The following LRRC40 variants were observed in gnomAD, a reference collection of about 807,000 sequenced individuals.
LRRC40 encodes the protein leucine-rich repeat-containing protein 40.
Under a neutral mutation model 72.8 loss-of-function variants are expected in LRRC40, and 76 were observed. The observed-to-expected ratio is 1.04, with a 90% CI of 0.87 to 1.26. The LOEUF is 1.26. Ranked by LOEUF, LRRC40 falls within the 50% of genes most tolerant of loss-of-function variation. The pLI is 0.00. For synonymous variants in LRRC40, 243 were observed against 254.2 expected (o/e 0.96, Z 0.42); for missense variants, 684 against 698.9 (o/e 0.98, Z 0.24).
Position 70,178,362 on chromosome 1 carries a change from A to T in LRRC40, c.804+489T>A, listed in dbSNP as rs74465770. ...TATATCATCACTCTGTTTAAAATAA[A>T]CTCTTTTAACACTAGAGCTTAAAGG... On this transcript the variant is annotated intron_variant, in intron 6 of 14. Transcript: ENST00000370952. Among the ~76,000 whole-genome samples, 16 of 152,308 alleles carry T rather than the reference A, an allele frequency of 1.1e-4. No individual in the cohort carries two copies. In the East Asian group the frequency reaches 2.5e-3, roughly 24 times the overall value.
At chr1:70,201,963 G>C (rs2100357655) in intron 1 of LRRC40, among the ~76,000 whole-genome samples, 1 of 152,030 alleles carries the variant, frequency 6.6e-6, no homozygotes, top group South Asian at 2.1e-4. Flanking sequence ...GGCAACAAGA[G>C]CAAAACTCCG....
chr1:70,167,172 C>T (rs776553830), intron 9 of LRRC40, among the ~76,000 whole-genome samples: 11 of 149,348 alleles, frequency 7.4e-5, no homozygotes, highest in Non-Finnish European at 1.2e-4. Context: ...CAACTTCCAT[C>T]ATGACAGCAA....
At chr1:70,176,075 A>AC in intron 6 of LRRC40, 93 bp from the exon 7 acceptor site, 3 of 658,362 alleles carry the variant, frequency 4.6e-6, no homozygotes, top group South Asian at 4.6e-5. Flanking sequence ...ATTTCAAGTG[A>AC]TTGAAAAACA....
At chr1:70,167,031 C>G (rs1348450143) in intron 9 of LRRC40, among the ~76,000 whole-genome samples, 1 of 152,062 alleles carries the variant, frequency 6.6e-6, no homozygotes, top group African/African-American at 2.4e-5. Flanking sequence ...GAGAAGTTCT[C>G]AGTAAAAGAT....
intron 1 of LRRC40, among the ~76,000 whole-genome samples, chr1:70,200,685 ATAG>A (rs1434844962): frequency 2.6e-5 from 4 of 152,220 alleles, no homozygotes; most frequent in Non-Finnish European, 5.9e-5. Flanking sequence ...TGGAAGAAAC[ATAG>A]TAGATAAACA....
intron 1 of LRRC40, among the ~76,000 whole-genome samples, chr1:70,197,576 GC>G (rs968937272): frequency 1.4e-4 from 21 of 147,488 alleles, no homozygotes; most frequent in Non-Finnish European, 1.2e-4. Context: ...ATCACACCTG[GC>G]CCCCCCAACC....
chr1:70,165,809 T>G (rs1460621873), intron 9 of LRRC40, among the ~76,000 whole-genome samples: 1 of 152,150 alleles, frequency 6.6e-6, no homozygotes, highest in Non-Finnish European at 1.5e-5. Context: ...AAATCCAGAT[T>G]TAATTGGGCT....
At chr1:70,184,133 C>T (rs1257689676) in intron 4 of LRRC40, among the ~76,000 whole-genome samples, 1 of 151,990 alleles carries the variant, frequency 6.6e-6, no homozygotes, top group Non-Finnish European at 1.5e-5. Context: ...CCTGTAATCC[C>T]AGCTACTTGG....
At chr1:70,156,721 G>A (rs766334241) in intron 10 of LRRC40, among the ~76,000 whole-genome samples, 10 of 152,104 alleles carry the variant, frequency 6.6e-5, no homozygotes, top group Non-Finnish European at 1.5e-5. Flanking sequence ...ATACAGCATA[G>A]ATATGCTGAC....
intron 9 of LRRC40, among the ~76,000 whole-genome samples, chr1:70,164,402 G>GA (rs921205977): frequency 5.9e-5 from 9 of 151,636 alleles, no homozygotes; most frequent in African/African-American, 2.2e-4. Flanking sequence ...AAAGAAAAAA[G>GA]AAAAAAAGAG....
chr1:70,182,344 A>T (rs1173944093), intron 4 of LRRC40, among the ~76,000 whole-genome samples: 1 of 152,032 alleles, frequency 6.6e-6, no homozygotes, highest in Non-Finnish European at 1.5e-5. Flanking sequence ...AAACTGGGAA[A>T]ATCTAAATAA....
intron 9 of LRRC40, 85 bp from the exon 10 acceptor site, chr1:70,159,523 CGTG>C (rs1558112752): frequency 1.8e-6 from 1 of 549,156 alleles, no homozygotes; most frequent in Non-Finnish European, 3.3e-6. Flanking sequence ...AAACAGTGTA[CGTG>C]ATTTCTAGAT....
chr1:70,164,788 C>T (rs1667843876), intron 9 of LRRC40, among the ~76,000 whole-genome samples: 1 of 152,120 alleles, frequency 6.6e-6, no homozygotes, highest in African/African-American at 2.4e-5. Flanking sequence ...TGCTAACTTG[C>T]AAACCTCAAA....
intron 14 of LRRC40, among the ~76,000 whole-genome samples, chr1:70,146,167 G>A (rs1667286172): frequency 6.6e-6 from 1 of 152,046 alleles, no homozygotes; most frequent in Admixed American, 6.6e-5. Flanking sequence ...TGGGATTACA[G>A]GTGTGTTCCA....
intron 2 of LRRC40, 36 bp downstream of exon 2, chr1:70,189,056 C>G (rs1294237685): frequency 6.4e-6 from 10 of 1,560,914 alleles, no homozygotes; most frequent in Non-Finnish European, 7.8e-6. Context: ...AGAGTCTCTT[C>G]AATTAATAAT....
intron 2 of LRRC40, among the ~76,000 whole-genome samples, chr1:70,188,046 T>C (rs1423796474): frequency 6.6e-6 from 1 of 152,088 alleles, no homozygotes; most frequent in African/African-American, 2.4e-5. Flanking sequence ...TATACAAAAA[T>C]TATATGAGAA....
At chr1:70,147,067 G>T (rs972740918) in intron 14 of LRRC40, 2 of 152,106 alleles carry the variant, frequency 1.3e-5, no homozygotes, top group Admixed American at 1.3e-4. Context: ...ATTCATGGGT[G>T]CTATATTTGC....
Position 70,205,410 on chromosome 1 carries a change from G to A in LRRC40, c.131C>T (p.Ser44Leu), listed in dbSNP as rs1232828951. 1.3e-6 allele frequency: 2 copies of A among 1,595,560 alleles called. No homozygotes were observed. Among genetic ancestry groups the A allele is most frequent in the Non-Finnish European group, 8.6e-7 (1 of 1,166,130 alleles). The change falls in exon 1 of 15, where the codon TCG (serine) becomes TTG (leucine). Residue 44 changes from serine to leucine, a missense_variant. Physicochemically the swap from Ser to Leu is moderately radical, Grantham distance 145. Transcript: ENST00000370952. The part of the protein sequence containing the change: ...AARKSGQLNL[S>L]GRNLSEVPQC... Reference sequence around the variant, plus strand: ...CTTACCTTCACTGAGGTTTCTACCCGACAGGTTTAACTGGCCGCTCTTCCT... The same window carrying A: ...CTTACCTTCACTGAGGTTTCTACCCAACAGGTTTAACTGGCCGCTCTTCCT...
intron 1 of LRRC40, among the ~76,000 whole-genome samples, chr1:70,200,815 A>C (rs1668721295): frequency 6.6e-6 from 1 of 152,200 alleles, no homozygotes; most frequent in African/African-American, 2.4e-5. Flanking sequence ...GAGAGAGAAA[A>C]AAAGAGAGCG....
Sources: gnomAD v4.1 joint callset for allele counts (sites outside exome capture counted in the v4.1 genomes callset) on GRCh38, gnomAD v4.1.1 for gene constraint, MANE v1.5 for transcripts, NCBI Gene and HGNC (gene_info 2026-07-23, HGNC 2026-07-21) for gene names.